Variants in STAM2 observed in about 807,000 individuals in gnomAD.
STAM2 encodes the protein signal transducing adapter molecule 2.
Under a neutral mutation model 65.6 loss-of-function variants are expected in STAM2, and 51 were observed. The ratio of observed to expected loss-of-function variants is 0.78; its 90% CI spans 0.62 to 0.98. The LOEUF (loss-of-function observed/expected upper bound fraction) is 0.98, where lower values mean the gene tolerates loss of function less well. Ranked by LOEUF, STAM2 falls within the 50% of genes least tolerant of loss-of-function variation. STAM2 has a pLI of 0.00. For missense variants in STAM2, 584 were observed against 617.8 expected (o/e 0.95, Z 0.58); for synonymous variants, 198 against 208.4 (o/e 0.95, Z 0.43).
chr2:152,130,259 A>G (rs1168083628), intron 11 of STAM2, among the ~76,000 whole-genome samples: 9 of 151,732 alleles, frequency 5.9e-5, no homozygotes, highest in Admixed American at 5.9e-4. Flanking sequence ...TTATTTATTT[A>G]TTTATTTTTT....
chr2:152,147,382 G>T (rs1689354691), intron 4 of STAM2, 74 bp from the exon 5 acceptor site: 1 of 1,322,350 alleles, frequency 7.6e-7, no homozygotes, highest in Non-Finnish European at 1.0e-6. Flanking sequence ...TTAACAAGGA[G>T]AATTACCATC....
intron 1 of STAM2, among the ~76,000 whole-genome samples, chr2:152,169,856 C>CTTTTTT (rs534239660): frequency 7.0e-6 from 1 of 142,236 alleles, no homozygotes; most frequent in Non-Finnish European, 1.6e-5. Flanking sequence ...AAGAGCTACA[C>CTTTTTT]TTTTTTTTTT....
chr2:152,160,366 C>T (rs1000949267), intron 1 of STAM2, among the ~76,000 whole-genome samples: 16 of 151,684 alleles, frequency 1.1e-4, no homozygotes, highest in Middle Eastern at 3.4e-3. Flanking sequence ...ATGTGGGGAG[C>T]GCCTCTGCCC....
chr2:152,132,253 A>T, intron 10 of STAM2, 85 bp from the exon 11 acceptor site: 1 of 895,742 alleles, frequency 1.1e-6, no homozygotes. Flanking sequence ...TAGCACCAAT[A>T]TACAACACTA....
chr2:152,148,137 A>G lies in STAM2; in HGVS notation c.202-15T>C. 1 of 1,592,128 alleles carries G rather than the reference A, an allele frequency of 6.3e-7. No homozygotes were observed. Among genetic ancestry groups the G allele is most frequent in the South Asian group, 1.2e-5 (1 of 86,072 alleles). The stretch of plus-strand genomic sequence containing the variant: ...GCCCCAAGAAGCTATTAATTGAAAT[A>G]AAAATATATGAATATTGAAATATTA... On this transcript the variant is annotated splice_polypyrimidine_tract_variant and intron_variant, in intron 3 of 13. Transcript: ENST00000263904.
In STAM2 at chr2:152,119,673, T is replaced by C. The variant is rs1239161821; in HGVS notation, c.*901A>G. 1 of 152,218 alleles carries C rather than the reference T, an allele frequency of 6.6e-6. No homozygotes were observed. Among genetic ancestry groups the C allele is most frequent in the African/African-American group, 2.4e-5 (1 of 41,464 alleles). The allele number at this position is 152,218 out of a possible 1,614,324, so 9.4% of individuals were successfully genotyped here. ...AAAAACAAATGGACCATATCTTCAT[T>C]AGAGAATAGCCAAAATCACTTGAAA... On this transcript the variant is annotated 3_prime_UTR_variant, in exon 14 of 14. Transcript: ENST00000263904.
chr2:152,138,308 T>A (rs1350734867), intron 7 of STAM2, among the ~76,000 whole-genome samples: 1 of 152,140 alleles, frequency 6.6e-6, no homozygotes, highest in Non-Finnish European at 1.5e-5. Context: ...AGACCTTACA[T>A]ATCTTTGTTA....
At chr2:152,146,473 C>T (rs1689339858) in intron 5 of STAM2, among the ~76,000 whole-genome samples, 1 of 152,056 alleles carries the variant, frequency 6.6e-6, no homozygotes, top group Non-Finnish European at 1.5e-5. Flanking sequence ...AGTCAACATC[C>T]CTGCCTCCAC....
chr2:152,122,558 T>C (rs116071964), intron 13 of STAM2, among the ~76,000 whole-genome samples: 178 of 152,324 alleles, frequency 1.2e-3, no homozygotes, highest in African/African-American at 4.2e-3. Context: ...AGCAAAATTT[T>C]ATATTTTATT....
intron 1 of STAM2, among the ~76,000 whole-genome samples, chr2:152,170,430 C>A (rs1037261354): frequency 6.7e-6 from 1 of 150,228 alleles, no homozygotes; most frequent in African/African-American, 2.5e-5. Flanking sequence ...TTGCAGCGAG[C>A]TGAGATCGCG....
chr2:152,136,382 G>A (rs1689155022), intron 7 of STAM2, among the ~76,000 whole-genome samples: 1 of 152,074 alleles, frequency 6.6e-6, no homozygotes, highest in Non-Finnish European at 1.5e-5. Flanking sequence ...GGCAGAGGTT[G>A]CAGTGAGCTG....
At chr2:152,147,997 T>TAA (rs749601265) in intron 4 of STAM2, 27 bp downstream of exon 4, 3 of 1,542,972 alleles carry the variant, frequency 1.9e-6, no homozygotes, top group Non-Finnish European at 2.7e-6. Context: ...TTTAATGACT[T>TAA]AAAGTTCTTC....
At chr2:152,163,109 C>A (rs1203386311) in intron 1 of STAM2, among the ~76,000 whole-genome samples, 1 of 152,096 alleles carries the variant, frequency 6.6e-6, no homozygotes, top group East Asian at 1.9e-4. Flanking sequence ...TTCAAAATTG[C>A]CAAATTAACA....
intron 12 of STAM2, among the ~76,000 whole-genome samples, chr2:152,125,123 A>C (rs1302292170): frequency 1.3e-5 from 2 of 152,138 alleles, no homozygotes; most frequent in East Asian, 3.9e-4. Context: ...AGCAAACATA[A>C]AGTTTTATCA....
chr2:152,144,343 A>G (rs1368709966), intron 6 of STAM2, among the ~76,000 whole-genome samples: 2 of 152,188 alleles, frequency 1.3e-5, no homozygotes, highest in African/African-American at 2.4e-5. Flanking sequence ...TGGCATTAAA[A>G]AAAGGTGAAA....
intron 1 of STAM2, among the ~76,000 whole-genome samples, chr2:152,161,890 T>C (rs1560222860): frequency 6.6e-6 from 1 of 152,282 alleles, no homozygotes; most frequent in East Asian, 1.9e-4. Context: ...TGGCACGATC[T>C]TGGCTCACTG....
chr2:152,122,078 G>GT (rs1560208336), intron 13 of STAM2, among the ~76,000 whole-genome samples: 3 of 93,730 alleles, frequency 3.2e-5, no homozygotes, highest in African/African-American at 1.1e-4. Flanking sequence ...ATATATATAT[G>GT]TGTGTGTGTG....
At chr2:152,154,531 T>C (rs936021179) in intron 1 of STAM2, among the ~76,000 whole-genome samples, 9 of 152,130 alleles carry the variant, frequency 5.9e-5, no homozygotes, top group Non-Finnish European at 8.8e-5. Flanking sequence ...GGTAGGAGGA[T>C]GGCTTGAGCC....
At chr2:152,165,477 C>G (rs1184544500) in intron 1 of STAM2, among the ~76,000 whole-genome samples, 1 of 151,876 alleles carries the variant, frequency 6.6e-6, no homozygotes, top group African/African-American at 2.4e-5. Context: ...CAAAAAGTTA[C>G]AGATAGAGAA....
Sources: allele counts gnomAD v4.1 joint callset (sites outside exome capture counted in the v4.1 genomes callset), GRCh38; gene constraint gnomAD v4.1.1; transcripts MANE v1.5; gene names NCBI Gene and HGNC (gene_info 2026-07-23, HGNC 2026-07-21).